The following MAPKBP1 variants were observed in gnomAD, a reference collection of about 807,000 sequenced individuals.
The protein encoded by MAPKBP1 is mitogen-activated protein kinase binding protein 1.
A neutral mutation model predicts 170.5 loss-of-function variants in MAPKBP1; 71 were observed. The ratio of observed to expected loss-of-function variants is 0.42; its 90% CI spans 0.34 to 0.51. The LOEUF is 0.51. Among genes scored for constraint, MAPKBP1 ranks in the 20% least tolerant of loss-of-function variants. MAPKBP1 has a pLI of 0.06. For synonymous variants in MAPKBP1, 719 were observed against 757.9 expected, an observed-to-expected ratio of 0.95 and a Z score of 0.84; for missense variants, 1,598 against 1,933.0, an observed-to-expected ratio of 0.83 and a Z score of 3.25.
chr15:41,795,963 TA>T (rs746737762), intron 2 of MAPKBP1, among the ~76,000 whole-genome samples: 10 of 152,146 alleles, frequency 6.6e-5, no homozygotes, highest in Non-Finnish European at 1.0e-4. Context: ...GAAAAGACTA[TA>T]GGGGGTAAGG....
intron 3 of MAPKBP1, among the ~76,000 whole-genome samples, chr15:41,803,953 G>A (rs2064646960): frequency 6.6e-6 from 1 of 151,948 alleles, no homozygotes. Flanking sequence ...CAATTCTCCT[G>A]CCTCAGCCTC....
Position 41,814,576 on chromosome 15 carries a change from C to T in MAPKBP1, c.1007C>T (p.Ala336Val). 6.2e-7 allele frequency: 1 copy of T among 1,614,112 alleles called. No individual in the cohort carries two copies. Among genetic ancestry groups the T allele is most frequent in the Non-Finnish European group, 8.5e-7 (1 of 1,180,018 alleles). The change falls in exon 10 of 31, where the codon GCC becomes GTC. Residue 336 changes from alanine (A) to valine (V), a missense_variant. By Grantham distance (64) the Ala-to-Val change is moderately conservative (BLOSUM62 0). Coordinates refer to ENST00000457542, the MANE Select transcript of MAPKBP1 (RefSeq NM_014994.3). ...ASRLFSGVAN[A>V]RYPDTIALTF... Reference sequence around the variant, plus strand: ...CGCCTCTTCTCTGGAGTGGCGAATGCCAGGTATCCAGACACCATTGCCTTG... The same window carrying T: ...CGCCTCTTCTCTGGAGTGGCGAATGTCAGGTATCCAGACACCATTGCCTTG...
Position 41,820,812 on chromosome 15 carries a change from C to T in MAPKBP1, c.2482-20C>T, listed in dbSNP as rs574365248. The T allele has an allele frequency of 1.8e-5, 29 of 1,590,948 alleles. No homozygotes were observed. The highest frequency in any genetic ancestry group is 3.4e-5 in the Admixed American group (2 of 59,686). ...TGTGTGGTTGTTGTTACTCCTCCCC[C>T]ACCCCCTACCTCCCACCAGGCACAG... is the stretch of plus-strand genomic sequence containing the variant. On this transcript the variant is annotated intron_variant, in intron 22 of 30. Coordinates refer to ENST00000457542, the MANE Select transcript of MAPKBP1 (RefSeq NM_014994.3).
At chr15:41,807,310 G>A (rs757995003) in intron 3 of MAPKBP1, among the ~76,000 whole-genome samples, 8 of 152,224 alleles carry the variant, frequency 5.3e-5, no homozygotes, top group Non-Finnish European at 1.0e-4. Context: ...GTCCCAGGAA[G>A]ACTGAGTTTG....
At position 41,821,666 on chromosome 15, in the gene MAPKBP1, T is replaced by G. The variant is rs765783746; in HGVS notation, c.2801T>G (p.Val934Gly). 214 of 1,613,826 alleles carry G rather than the reference T, an allele frequency of 1.3e-4. No homozygotes were observed. Among genetic ancestry groups the G allele is most frequent in the Non-Finnish European group, 1.6e-4 (190 of 1,179,994 alleles). The change falls in exon 24 of 31, where the codon GTC (valine) becomes GGC (glycine). Residue 934 changes from valine to glycine, a missense_variant. This residue lies in a region of MAPKBP1 where 942 missense variants were observed against 953.2 expected (regional missense o/e 0.99). Transcript: ENST00000457542. Reference sequence around the variant, plus strand: ...CGATTATTGTCACAAGAGGAAGGGGTCTTTGCCCAAGATCTGGAACCTGCA... The same window carrying G: ...CGATTATTGTCACAAGAGGAAGGGGGCTTTGCCCAAGATCTGGAACCTGCA... ...IIRLLSQEEG[V>G]FAQDLEPAPI...
Position 41,817,258 on chromosome 15 carries a change from G to A in MAPKBP1, c.1712-130G>A. 1 of 1,242,754 alleles carries A rather than the reference G, an allele frequency of 8.0e-7. No homozygotes were observed. Among genetic ancestry groups the A allele is most frequent in the Non-Finnish European group, 1.2e-6 (1 of 868,262 alleles). The allele number at this position is 1,242,754 out of a possible 1,614,324, so 77.0% of individuals were successfully genotyped here. On this transcript the variant is annotated intron_variant, in intron 14 of 30. Transcript: ENST00000457542. The surrounding 1 kb of genome is among the most constrained non-coding windows in gnomAD (Gnocchi z 4.2). The stretch of plus-strand genomic sequence containing the variant: ...GGAGACAGGAAAACCTGGGTTTCCA[G>A]GTTTAATTTAGTTGGTTTTCCCTGG...
At chr15:41,811,812 C>T in intron 5 of MAPKBP1, 145 bp from the exon 6 acceptor site, 1 of 796,728 alleles carries the variant, frequency 1.3e-6, no homozygotes, top group Non-Finnish European at 2.1e-6. Context: ...TATCATATTT[C>T]CTCTATACCC....
intron 8 of MAPKBP1, chr15:41,813,379 C>G: frequency 1.3e-6 from 2 of 1,522,866 alleles, no homozygotes; most frequent in South Asian, 2.2e-5. Flanking sequence ...CTCTCTTTCT[C>G]ATGCTATTTC....
intron 3 of MAPKBP1, among the ~76,000 whole-genome samples, chr15:41,800,158 G>A (rs1291353335): frequency 6.6e-6 from 1 of 152,076 alleles, no homozygotes; most frequent in Non-Finnish European, 1.5e-5. Flanking sequence ...TACACTTTAT[G>A]TTACACACAG....
At chr15:41,821,491 G>A (rs1343326755) in intron 23 of MAPKBP1, 93 bp from the exon 24 acceptor site, 1 of 1,187,346 alleles carries the variant, frequency 8.4e-7, no homozygotes, top group Non-Finnish European at 1.2e-6. Context: ...CCAAGGGGAG[G>A]GTTGGCCCCC....
At chr15:41,792,997 A>T (rs2064421001) in intron 2 of MAPKBP1, among the ~76,000 whole-genome samples, 1 of 152,060 alleles carries the variant, frequency 6.6e-6, no homozygotes, top group African/African-American at 2.4e-5. Flanking sequence ...TTCCAACTAC[A>T]TATCCAAATG....
chr15:41,817,546 C>T lies in MAPKBP1; in HGVS notation c.1783-68C>T. ...AGGTTACAAGAGGTGAAGGGAGGCG[C>T]AAGTAGGGCTCTTGGGGCCTGGTGA... On this transcript the variant is annotated intron_variant, in intron 15 of 30. Coordinates refer to ENST00000457542, the MANE Select transcript of MAPKBP1 (RefSeq NM_014994.3). The surrounding 1 kb of genome is among the most constrained non-coding windows in gnomAD (Gnocchi z 4.2). The T allele has an allele frequency of 3.1e-6, 5 of 1,613,422 alleles. No individual in the cohort carries two copies. The highest frequency in any genetic ancestry group is 4.2e-6 in the Non-Finnish European group (5 of 1,179,494).
chr15:41,787,667 C>T (rs996942380), intron 2 of MAPKBP1, among the ~76,000 whole-genome samples: 10 of 151,708 alleles, frequency 6.6e-5, no homozygotes, highest in African/African-American at 1.7e-4. Flanking sequence ...CGCCCGGCCG[C>T]GAACACATTC....
Position 41,817,787 on chromosome 15 carries a change from G to C in MAPKBP1, c.1904+52G>C, listed in dbSNP as rs2064918996. 1.3e-6 allele frequency: 2 copies of C among 1,597,276 alleles called. No homozygotes were observed. The highest frequency in any genetic ancestry group is 4.6e-5 in the East Asian group (2 of 43,920). On this transcript the variant is annotated intron_variant, in intron 16 of 30. Transcript: ENST00000457542. This position sits in a 1 kb window ranked among gnomAD's most constrained non-coding sequence, Gnocchi z 4.2. ...CCACATTCCTTCATCTCCCTACGGG[G>C]TCAGCTCTGTGCAGCTAAGTTCCCA...
rs2064840003 is a variant in MAPKBP1 at position 41,813,532 on chromosome 15, T to A, written c.820-89T>A. 10 of 1,548,314 alleles carry A rather than the reference T, an allele frequency of 6.5e-6. No homozygotes were observed. In the East Asian group the frequency reaches 2.2e-4, roughly 35 times the overall value. On this transcript the variant is annotated intron_variant, in intron 8 of 30. Transcript: ENST00000457542. ...CCTTGCCCCTGCCTTGGCCGGTCCC[T>A]CCTCTTGGCAGGTGGCTGTTGATGG...
At chr15:41,781,837 C>T (rs1015723620) in intron 2 of MAPKBP1, among the ~76,000 whole-genome samples, 1 of 152,034 alleles carries the variant, frequency 6.6e-6, no homozygotes, top group Non-Finnish European at 1.5e-5. Context: ...TTATTTATCA[C>T]AGTTCTCATC....
intron 3 of MAPKBP1, among the ~76,000 whole-genome samples, chr15:41,802,949 C>G (rs1236067620): frequency 6.6e-6 from 1 of 152,196 alleles, no homozygotes; most frequent in Non-Finnish European, 1.5e-5. Context: ...CCATTATAAT[C>G]TTACGGGACT....
intron 23 of MAPKBP1, 123 bp downstream of exon 23, chr15:41,821,191 C>T: frequency 1.1e-6 from 1 of 916,698 alleles, no homozygotes; most frequent in Non-Finnish European, 1.7e-6. Flanking sequence ...ACATGGGTAA[C>T]CTGAACTGCA....
In MAPKBP1 at chr15:41,821,074, C is replaced by G. The variant is rs749500685; in HGVS notation, c.2718+6C>G. On this transcript the variant is annotated splice_donor_region_variant and intron_variant, in intron 23 of 30. Coordinates refer to ENST00000457542, the MANE Select transcript of MAPKBP1 (RefSeq NM_014994.3). ...AGACTTCACTCACTAGCCAGGTGAGCCTGCTTTCTCCCAGCTCTCTAGAGA... is the reference window on the plus strand; with the variant it reads ...AGACTTCACTCACTAGCCAGGTGAGGCTGCTTTCTCCCAGCTCTCTAGAGA... 24 of 1,612,528 alleles carry G rather than the reference C, an allele frequency of 1.5e-5. No individual in the cohort carries two copies. Among genetic ancestry groups the G allele is most frequent in the Non-Finnish European group, 8.5e-7 (1 of 1,179,078 alleles).
Sources: allele counts gnomAD v4.1 joint callset (sites outside exome capture counted in the v4.1 genomes callset), GRCh38; gene constraint gnomAD v4.1.1; regional missense constraint gnomAD v4.1.1; non-coding constraint Gnocchi (gnomAD v3.1); transcripts MANE v1.5; gene names NCBI Gene and HGNC (gene_info 2026-07-23, HGNC 2026-07-21).